The following ADGRB3 variants were observed in gnomAD, a reference collection of about 807,000 sequenced individuals.
ADGRB3 encodes brain-specific angiogenesis inhibitor 3.
Under a neutral mutation model 193.4 loss-of-function variants are expected in ADGRB3, and 37 were observed. That is an observed-to-expected ratio of 0.19 (90% CI 0.15 to 0.25). ADGRB3 has a LOEUF of 0.25. Ranked by LOEUF, ADGRB3 falls within the 10% of genes least tolerant of loss-of-function variation. The pLI is 1.00. For synonymous variants in ADGRB3, 690 were observed against 644.2 expected, an observed-to-expected ratio of 1.07 and a Z score of -1.08; for missense variants, 1,637 against 1,852.9, an observed-to-expected ratio of 0.88 and a Z score of 2.14.
At chr6:68,930,451 T>A in intron 3 of ADGRB3, 108 bp from the exon 4 acceptor site, 1 of 613,558 alleles carries the variant, frequency 1.6e-6, no homozygotes. Flanking sequence ...ATTGTGAATT[T>A]AATAATTATC....
At chr6:69,038,329 G>GGC (rs1770935445) in intron 13 of ADGRB3, among the ~76,000 whole-genome samples, 1 of 149,476 alleles carries the variant, frequency 6.7e-6, no homozygotes, top group Admixed American at 6.7e-5. Context: ...TGAATACACA[G>GGC]ACACACACAC....
intron 17 of ADGRB3, among the ~76,000 whole-genome samples, chr6:69,220,290 G>T (rs961758151): frequency 6.6e-6 from 1 of 152,054 alleles, no homozygotes; most frequent in South Asian, 2.1e-4. Context: ...TAAATTACAA[G>T]TATTATCCAA....
chr6:69,198,497 G>A (rs1288990815), intron 17 of ADGRB3, among the ~76,000 whole-genome samples: 1 of 152,062 alleles, frequency 6.6e-6, no homozygotes, highest in African/African-American at 2.4e-5. Context: ...TGATGGGGAA[G>A]GCCTCTCAGA....
At chr6:68,945,946 T>G (rs1248361461) in intron 6 of ADGRB3, among the ~76,000 whole-genome samples, 1 of 152,144 alleles carries the variant, frequency 6.6e-6, no homozygotes, top group African/African-American at 2.4e-5. Flanking sequence ...TAAAATCAGA[T>G]GGCTTTCTTT....
intron 3 of ADGRB3, among the ~76,000 whole-genome samples, chr6:68,683,584 T>C (rs1764933904): frequency 6.6e-6 from 1 of 152,136 alleles, no homozygotes; most frequent in South Asian, 2.1e-4. Flanking sequence ...TTGCTTTATA[T>C]TAAGGAAATG....
chr6:68,685,451 G>A (rs1764965511), intron 3 of ADGRB3, among the ~76,000 whole-genome samples: 1 of 151,790 alleles, frequency 6.6e-6, no homozygotes, highest in African/African-American at 2.4e-5. Context: ...ATAGAACATA[G>A]AAAAAATAGA....
At chr6:68,774,550 A>G (rs1766702079) in intron 3 of ADGRB3, among the ~76,000 whole-genome samples, 1 of 152,014 alleles carries the variant, frequency 6.6e-6, no homozygotes, top group Non-Finnish European at 1.5e-5. Flanking sequence ...ATTTTCAGGT[A>G]CTTTTTATTA....
At position 68,840,369 on chromosome 6, in the gene ADGRB3, C is replaced by CTTTTTTTTTTTTTTTT. The variant is rs752625602; in HGVS notation, c.758-90166_758-90151dup. On this transcript the variant is annotated intron_variant, in intron 3 of 31. Coordinates refer to ENST00000370598, the MANE Select transcript of ADGRB3 (RefSeq NM_001704.3). The stretch of plus-strand genomic sequence containing the variant: ...GCAGTGGAGTAAGGCACTGGGCAGT[C>CTTTTTTTTTTTTTTTT]TTTTTTTTTTTTTTTTTTTTTTTTT... 2.9e-4 allele frequency among the ~76,000 whole-genome samples: 20 copies of CTTTTTTTTTTTTTTTT among 69,428 alleles called. 3 individuals are homozygous for CTTTTTTTTTTTTTTTT. The highest frequency in any genetic ancestry group is 6.0e-4 in the African/African-American group (8 of 13,418). The allele number at this position is 69,428 out of a possible 152,430, so 45.5% of individuals were successfully genotyped here.
intron 8 of ADGRB3, among the ~76,000 whole-genome samples, chr6:68,970,810 G>A (rs1304542508): frequency 1.3e-5 from 2 of 152,190 alleles, no homozygotes; most frequent in East Asian, 1.9e-4. Context: ...AATTTAACCA[G>A]GACAGAATGA....
chr6:69,174,469 A>G (rs1775370928), intron 17 of ADGRB3, among the ~76,000 whole-genome samples: 1 of 152,208 alleles, frequency 6.6e-6, no homozygotes, highest in Non-Finnish European at 1.5e-5. Flanking sequence ...TCCATGGTGT[A>G]TGCATATGAC....
chr6:69,274,094 A>G (rs1242233725), intron 20 of ADGRB3, among the ~76,000 whole-genome samples: 1 of 152,168 alleles, frequency 6.6e-6, no homozygotes, highest in Non-Finnish European at 1.5e-5. Context: ...AGAAGCTGAA[A>G]TAGGCATTTT....
intron 3 of ADGRB3, among the ~76,000 whole-genome samples, chr6:68,833,365 C>T (rs1177434636): frequency 6.6e-6 from 1 of 151,392 alleles, no homozygotes. Flanking sequence ...TATTATAGTT[C>T]TTTAATGTTA....
chr6:69,161,561 A>ATCCATT (rs1250430947), intron 17 of ADGRB3, among the ~76,000 whole-genome samples: 2 of 152,138 alleles, frequency 1.3e-5, no homozygotes, highest in Non-Finnish European at 2.9e-5. Context: ...TTCCAGGTAT[A>ATCCATT]TCCATTATCT....
intron 17 of ADGRB3, among the ~76,000 whole-genome samples, chr6:69,205,784 AT>A (rs1353149382): frequency 6.6e-6 from 1 of 151,342 alleles, no homozygotes; most frequent in African/African-American, 2.4e-5. Flanking sequence ...GAATCATGTA[AT>A]TTTTTTACAT....
rs182344395 is a variant in ADGRB3, at chr6:68,825,548, G to A, written c.758-105011G>A. ...AGAACTTTAGATGAACACTGATATG[G>A]TTAGGCTTCGTGTCCCCACCCAGAT... On this transcript the variant is annotated intron_variant, in intron 3 of 31. Coordinates refer to ENST00000370598, the MANE Select transcript of ADGRB3 (RefSeq NM_001704.3). Among the ~76,000 whole-genome samples, 353 of 152,276 alleles carry A rather than the reference G, an allele frequency of 2.3e-3. 2 individuals are homozygous for A. Among genetic ancestry groups the A allele is most frequent in the African/African-American group, 8.2e-3 (341 of 41,552 alleles).
chr6:69,338,793 A>T (rs545630036), intron 24 of ADGRB3, 123 bp from the exon 25 acceptor site: 1 of 786,002 alleles, frequency 1.3e-6, no homozygotes, highest in African/African-American at 1.7e-5. Flanking sequence ...CCTAGAGCAT[A>T]CATTTTTGAT....
At chr6:69,058,557 T>C (rs1255472929) in intron 15 of ADGRB3, among the ~76,000 whole-genome samples, 1 of 152,042 alleles carries the variant, frequency 6.6e-6, no homozygotes, top group Non-Finnish European at 1.5e-5. Flanking sequence ...AGATCTTTCT[T>C]CTTTTTTAAT....
intron 3 of ADGRB3, among the ~76,000 whole-genome samples, chr6:68,773,925 A>C (rs1766688213): frequency 6.6e-6 from 1 of 152,076 alleles, no homozygotes; most frequent in African/African-American, 2.4e-5. Flanking sequence ...GGAGAAGCTT[A>C]AGGAGGGGCA....
chr6:69,031,462 G>A, intron 13 of ADGRB3, among the ~76,000 whole-genome samples: 1 of 142,334 alleles, frequency 7.0e-6, no homozygotes. Flanking sequence ...AAAAATTCTA[G>A]AGTTTCTTAC....
Sources: allele counts gnomAD v4.1 joint callset (sites outside exome capture counted in the v4.1 genomes callset), GRCh38; gene constraint gnomAD v4.1.1; transcripts MANE v1.5; gene names NCBI Gene and HGNC (gene_info 2026-07-23, HGNC 2026-07-21).